FBRS: variants seen among roughly 807,000 people sequenced by gnomAD.
The protein encoded by FBRS is probable fibrosin-1.
In FBRS, 15 loss-of-function variants were observed where a neutral mutation model predicts 86.1. That is an observed-to-expected ratio of 0.17 (90% CI 0.12 to 0.27). The LOEUF is 0.27. Among genes scored for constraint, FBRS ranks in the 10% least tolerant of loss-of-function variants. The pLI is 1.00. For missense variants in FBRS, 1,367 were observed against 1,301.6 expected (o/e 1.05, Z -0.77); for synonymous variants, 666 against 575.8 (o/e 1.16, Z -2.24).
Position 30,661,175 on chromosome 16 carries a change from C to T in FBRS, c.640-5C>T. 6.4e-7 allele frequency: 1 copy of T among 1,550,540 alleles called. No homozygotes were observed. The highest frequency in any genetic ancestry group is 8.7e-7 in the Non-Finnish European group (1 of 1,146,990). ...CCCTCACCTCTGGACTCTGGTCTTC[C>T]TCAGGCGTCCTCCCGTCACTCTCTG... On this transcript the variant is annotated splice_polypyrimidine_tract_variant and splice_region_variant and intron_variant, in intron 2 of 17. Coordinates refer to ENST00000356166, the MANE Select transcript of FBRS (RefSeq NM_001105079.3).
Position 30,662,748 on chromosome 16 carries a change from C to T in FBRS, c.944C>T (p.Pro315Leu), listed in dbSNP as rs928537325. 23 of 1,533,860 alleles carry T rather than the reference C, an allele frequency of 1.5e-5. No homozygotes were observed. Among genetic ancestry groups the T allele is most frequent in the African/African-American group, 2.8e-5 (2 of 72,652 alleles). The stretch of plus-strand genomic sequence containing the variant: ...CCTGTCTCACCCCCTGCACCCCTGC[C>T]GGCCACTCCCAGTCTGCCACCCCCA... ...RPPVSPPAPL[P>L]ATPSLPPPPQ... The change falls in exon 6 of 18, where the codon CCG becomes CTG. Residue 315 changes from proline to leucine, a missense_variant. Around this residue, in one of 3 missense-constraint regions of FBRS, gnomAD observed 702 missense variants for 598.7 expected, o/e 1.17. Transcript: ENST00000356166.
chr16:30,664,400 C>T lies in FBRS; in HGVS notation c.1241C>T (p.Pro414Leu), dbSNP rs571130394. 1.3e-5 allele frequency: 16 copies of T among 1,256,004 alleles called. No homozygotes were observed. The highest frequency in any genetic ancestry group is 4.4e-5 in the Admixed American group (2 of 45,500). The allele number at this position is 1,256,004 out of a possible 1,614,324, so 77.8% of individuals were successfully genotyped here. ...THSFPPPGLRPPPPPHHPSLF... is the reference protein window; with the variant it reads ...THSFPPPGLRLPPPPHHPSLF... ...AGCTTTCCCCCTCCCGGGCTGCGGC[C>T]CCCCCCACCACCCCACCACCCCTCC... is the stretch of plus-strand genomic sequence containing the variant. Residue 414 changes from proline to leucine, a missense_variant, in exon 7 of 18, where the codon CCC becomes CTC. By Grantham distance (98) the Pro-to-Leu change is moderately conservative. Around this residue, in one of 3 missense-constraint regions of FBRS, gnomAD observed 702 missense variants for 598.7 expected, o/e 1.17. Coordinates refer to ENST00000356166, the MANE Select transcript of FBRS (RefSeq NM_001105079.3).
rs1467921165 is a variant in FBRS, at chr16:30,662,705, C to G, written c.901C>G (p.Pro301Ala). 7.1e-6 allele frequency: 11 copies of G among 1,548,844 alleles called. No individual in the cohort carries two copies. The highest frequency in any genetic ancestry group is 2.0e-5 in the Admixed American group (1 of 50,830). The change falls in exon 6 of 18, where the codon CCA (proline) becomes GCA (alanine). Residue 301 changes from proline to alanine, a missense_variant. This residue lies in a region of FBRS where 702 missense variants were observed against 598.7 expected (regional missense o/e 1.17). Transcript: ENST00000356166. The stretch of plus-strand genomic sequence containing the variant: ...TTTCCCCCCAAAGGAACCACCGCCT[C>G]CACCGGTCCCTCGGCCTCCTGTCTC... ...VPFPPKEPPP[P>A]PVPRPPVSPP...
intron 4 of FBRS, 47 bp downstream of exon 4, chr16:30,661,380 G>A: frequency 1.3e-6 from 2 of 1,550,662 alleles, no homozygotes; most frequent in African/African-American, 1.4e-5. Context: ...GCTTGTAAAA[G>A]GGACTGCAGC....
chr16:30,663,031 T>G, intron 6 of FBRS, 172 bp downstream of exon 6: 6 of 1,167,274 alleles, frequency 5.1e-6, no homozygotes, highest in Non-Finnish European at 6.5e-6. Flanking sequence ...CCGTTACACA[T>G]TCCCATGCAG....
In FBRS at chr16:30,669,159, A is replaced by G; in HGVS notation, c.2457A>G (p.Glu819=). Residue 819 remains glutamate (E), a synonymous_variant, in exon 18 of 18, where the codon GAA becomes GAG. Coordinates refer to ENST00000356166, the MANE Select transcript of FBRS (RefSeq NM_001105079.3). The surrounding 1 kb of genome is among the most constrained non-coding windows in gnomAD (Gnocchi z 5.9). ...AGGAGGGGCCTCGGCCAACCAAGGA[A>G]TCTGTGCGGGTAAAGGAAGAGCGGA... ...AGEEGPRPTK[E]SVRVKEERKE... The G allele has an allele frequency of 6.4e-7, 1 of 1,560,702 alleles. No individual in the cohort carries two copies. Among genetic ancestry groups the G allele is most frequent in the East Asian group, 2.4e-5 (1 of 41,564 alleles).
At position 30,669,655 on chromosome 16, in the gene FBRS, G is replaced by T. The variant is rs3747484; in HGVS notation, c.*10G>T. 6.0e-5 allele frequency: 94 copies of T among 1,579,496 alleles called. 1 individual carries two copies. Among genetic ancestry groups the T allele is most frequent in the African/African-American group, 4.1e-4 (30 of 73,790 alleles). ...TCGGGCTGACAGGTGAGGGGAACGG[G>T]GGGGGGTCGGGGCAAAGCTCCATCT... is the stretch of plus-strand genomic sequence containing the variant. On this transcript the variant is annotated 3_prime_UTR_variant, in exon 18 of 18. Transcript: ENST00000356166. The surrounding 1 kb of genome is among the most constrained non-coding windows in gnomAD (Gnocchi z 5.9).
chr16:30,661,043 G>T, intron 2 of FBRS, 137 bp from the exon 3 acceptor site: 6 of 1,335,712 alleles, frequency 4.5e-6, no homozygotes, highest in Non-Finnish European at 6.1e-6. Flanking sequence ...ACCCGGGTGG[G>T]CAGTGGCGGG....
Position 30,662,712 on chromosome 16 carries a change from T to C in FBRS, c.908T>C (p.Val303Ala), listed in dbSNP as rs1378470784. 1.3e-6 allele frequency: 2 copies of C among 1,547,812 alleles called. No homozygotes were observed. Among genetic ancestry groups the C allele is most frequent in the Non-Finnish European group, 1.7e-6 (2 of 1,145,264 alleles). ...CCAAAGGAACCACCGCCTCCACCGG[T>C]CCCTCGGCCTCCTGTCTCACCCCCT... The part of the protein sequence containing the change: ...FPPKEPPPPP[V>A]PRPPVSPPAP... Residue 303 changes from valine to alanine, a missense_variant, in exon 6 of 18, where the codon GTC becomes GCC. Physicochemically the swap from Val to Ala is moderately conservative, Grantham distance 64 (BLOSUM62 0). Transcript: ENST00000356166.
intron 11 of FBRS, 168 bp from the exon 12 acceptor site, chr16:30,666,344 C>A: frequency 1.3e-6 from 1 of 782,588 alleles, no homozygotes. Context: ...AGGAGAGATG[C>A]CTAGACTGGG....
At chr16:30,668,485 C>A in intron 15 of FBRS, 75 bp from the exon 16 acceptor site, 1 of 1,388,262 alleles carries the variant, frequency 7.2e-7, no homozygotes, top group Non-Finnish European at 1.0e-6. Context: ...CCGGTCCTGC[C>A]TCTGCCCAGC....
Position 30,665,056 on chromosome 16 carries a change from A to T in FBRS, c.1585A>T (p.Met529Leu). The change falls in exon 9 of 18, where the codon ATG (methionine) becomes TTG (leucine). Residue 529 changes from methionine to leucine, a missense_variant. Met to Leu is a conservative substitution (Grantham distance 15). Coordinates refer to ENST00000356166, the MANE Select transcript of FBRS (RefSeq NM_001105079.3). The surrounding 1 kb of genome is among the most constrained non-coding windows in gnomAD (Gnocchi z 4.1). ...CTAGTTTGAGAAATATCCAGGAAAGATGGAAGGCCTTTTCCGACATAATGT... is the reference window on the plus strand; with the variant it reads ...CTAGTTTGAGAAATATCCAGGAAAGTTGGAAGGCCTTTTCCGACATAATGT... The part of the protein sequence containing the change: ...PHMFEKYPGK[M>L]EGLFRHNPYT... 1.2e-6 allele frequency: 2 copies of T among 1,613,684 alleles called. No homozygotes were observed. The highest frequency in any genetic ancestry group is 1.7e-6 in the Non-Finnish European group (2 of 1,179,808).
Position 30,668,944 on chromosome 16 carries a change from GA to G in FBRS, c.2332del (p.Arg778GlyfsTer46). On this transcript the variant is annotated frameshift_variant, in exon 17 of 18. Coordinates refer to ENST00000356166, the MANE Select transcript of FBRS (RefSeq NM_001105079.3). LOFTEE classifies it high-confidence loss of function. ...GSDKERPVER[R>X]EPSITKEEKD... ...CAGACAAGGAGCGGCCTGTGGAGCG[GA>G]GGGAGCCCTCCATCACCAAGGAGGA... 6.3e-7 allele frequency: 1 copy of G among 1,588,274 alleles called. No individual in the cohort carries two copies.
chr16:30,669,624 C>G lies in FBRS; in HGVS notation c.2922C>G (p.Gly974=). ...CCAGTTCCCCACCTAGGGGCCCTGG[C>G]CCAGCTCGGGCTGACAGGTGAGGGG... ...PRPSSPPRGP[G]PARADR The change falls in exon 18 of 18, where the codon GGC becomes GGG. Residue 974 remains glycine, a synonymous_variant. Transcript: ENST00000356166. This position sits in a 1 kb window ranked among gnomAD's most constrained non-coding sequence, Gnocchi z 5.9. The G allele has an allele frequency of 1.2e-6, 2 of 1,603,312 alleles. No homozygotes were observed. Among genetic ancestry groups the G allele is most frequent in the South Asian group, 2.2e-5 (2 of 90,852 alleles).
In FBRS at chr16:30,660,303, G is replaced by C; in HGVS notation, c.500G>C (p.Arg167Pro). 7.7e-7 allele frequency: 1 copy of C among 1,302,136 alleles called. No homozygotes were observed. The highest frequency in any genetic ancestry group is 9.8e-7 in the Non-Finnish European group (1 of 1,016,640). 80.7% of individuals were successfully genotyped at this position (1,302,136 alleles called of 1,614,324 possible). ...SLQPPERLEH[R>P]LKHSGKRKRG... ...CAGCCCCCAGAGCGACTGGAACATC[G>C]GCTGAAGCATTCTGGGAAGCGGAAA... is the stretch of plus-strand genomic sequence containing the variant. Residue 167 changes from arginine (R) to proline (P), a missense_variant, in exon 2 of 18, where the codon CGG becomes CCG. By Grantham distance (103) the Arg-to-Pro change is moderately radical. Transcript: ENST00000356166.
intron 14 of FBRS, 36 bp downstream of exon 14, chr16:30,667,473 C>T: frequency 1.3e-6 from 2 of 1,517,680 alleles, no homozygotes; most frequent in Non-Finnish European, 1.8e-6. Context: ...CTGAGGTTCC[C>T]TGTCTATAGC....
rs1441138060 is a variant in FBRS, at chr16:30,661,712, G to A, written c.705+379G>A. ...GCAGAGACCGCAGATAGAGTAGTGA[G>A]GACACTAAATCATTGTAGTCAGTGT... is the stretch of plus-strand genomic sequence containing the variant. On this transcript the variant is annotated intron_variant, in intron 4 of 17. Coordinates refer to ENST00000356166, the MANE Select transcript of FBRS (RefSeq NM_001105079.3). 2.6e-5 allele frequency among the ~76,000 whole-genome samples: 4 copies of A among 152,136 alleles called. No individual in the cohort carries two copies. In the South Asian group the frequency reaches 6.2e-4, roughly 24 times the overall value.
chr16:30,667,060 C>A (rs1378850269), intron 13 of FBRS, 70 bp downstream of exon 13: 7 of 1,445,800 alleles, frequency 4.8e-6, no homozygotes, highest in Non-Finnish European at 6.7e-6. Flanking sequence ...GGGCATTGGC[C>A]CTCAACAGAG....
chr16:30,662,088 G>A (rs981522550), intron 4 of FBRS: 1 of 313,862 alleles, frequency 3.2e-6, no homozygotes, highest in Non-Finnish European at 5.9e-6. Context: ...CAACGCTGGT[G>A]GACCAAATAA....
Sources: gnomAD v4.1 joint callset for allele counts (sites outside exome capture counted in the v4.1 genomes callset) on GRCh38, gnomAD v4.1.1 for gene constraint, gnomAD v4.1.1 regional missense constraint, Gnocchi (gnomAD v3.1) non-coding constraint, MANE v1.5 for transcripts, NCBI Gene and HGNC (gene_info 2026-07-23, HGNC 2026-07-21) for gene names.